The following MAN2A1 variants were observed in gnomAD, a reference collection of about 807,000 sequenced individuals.
MAN2A1 encodes mannosidase alpha class 2A member 1.
In MAN2A1, 76 loss-of-function variants were observed where a neutral mutation model predicts 142.6. The ratio of observed to expected loss-of-function variants is 0.53; its 90% CI spans 0.44 to 0.65. The LOEUF is 0.65. Among genes scored for constraint, MAN2A1 ranks in the 30% least tolerant of loss-of-function variants. The pLI, the probability that MAN2A1 is intolerant of heterozygous loss-of-function variation, is 0.00. For synonymous variants in MAN2A1, 559 were observed against 473.2 expected (o/e 1.18, Z -2.35); for missense variants, 1,311 against 1,365.1 (o/e 0.96, Z 0.62).
chr5:109,845,525 A>C (rs1755323714), intron 17 of MAN2A1, among the ~76,000 whole-genome samples: 1 of 152,196 alleles, frequency 6.6e-6, no homozygotes, highest in African/African-American at 2.4e-5. Context: ...TGTTAGATTT[A>C]GATGAGAAAT....
Position 109,849,182 on chromosome 5 carries a change from C to T in MAN2A1, c.2976+1392C>T, listed in dbSNP as rs1755415806. On this transcript the variant is annotated intron_variant, in intron 19 of 21. Coordinates refer to ENST00000261483, the MANE Select transcript of MAN2A1 (RefSeq NM_002372.4). ...AATCTTAGAGCTCTCAAAGCATGTC[C>T]CCTGGCCTTCTCCTTTTCTTATTTT... Among the ~76,000 whole-genome samples, 3 of 152,232 alleles carry T rather than the reference C, an allele frequency of 2.0e-5. No homozygotes were observed. The South Asian group carries it at 6.2e-4, about 32-fold the overall frequency.
chr5:109,847,807 A>G lies in MAN2A1; in HGVS notation c.2976+17A>G. 1 of 1,499,850 alleles carries G rather than the reference A, an allele frequency of 6.7e-7. No individual in the cohort carries two copies. The highest frequency in any genetic ancestry group is 1.4e-5 in the South Asian group (1 of 71,740). The allele number at this position is 1,499,850 out of a possible 1,614,324, so 92.9% of individuals were successfully genotyped here. On this transcript the variant is annotated intron_variant, in intron 19 of 21. Transcript: ENST00000261483. ...GTTAATACGGTATGAAAAAATAACTAGCATGATCTGATATTGATTGTTCTT... is the reference window on the plus strand; with the variant it reads ...GTTAATACGGTATGAAAAAATAACTGGCATGATCTGATATTGATTGTTCTT...
intron 2 of MAN2A1, 99 bp from the exon 3 acceptor site, chr5:109,716,021 A>G (rs1473402592): frequency 2.9e-6 from 2 of 683,706 alleles, no homozygotes; most frequent in South Asian, 5.2e-5. Context: ...TTTATAAAAT[A>G]CATATGCAGA....
intron 12 of MAN2A1, among the ~76,000 whole-genome samples, chr5:109,802,908 C>T (rs1198701724): frequency 2.6e-5 from 4 of 151,940 alleles, no homozygotes; most frequent in Non-Finnish European, 4.4e-5. Context: ...TTTCTTGCAT[C>T]AGGCAGTTTA....
Position 109,732,215 on chromosome 5 carries a change from T to G in MAN2A1, c.707+2702T>G, listed in dbSNP as rs1322659714. Among the ~76,000 whole-genome samples the G allele has an allele frequency of 2.9e-4, 43 of 150,634 alleles. No individual in the cohort carries two copies. The East Asian group carries it at 8.2e-3, about 29-fold the overall frequency. On this transcript the variant is annotated intron_variant, in intron 4 of 21. Coordinates refer to ENST00000261483, the MANE Select transcript of MAN2A1 (RefSeq NM_002372.4). ...CCCACTTTTTGATGGGGTTGTTTGT[T>G]TTTTTCTTGTAAATTTGTTTGAGTT...
At chr5:109,766,481 C>T (rs1752993586) in intron 5 of MAN2A1, among the ~76,000 whole-genome samples, 1 of 152,058 alleles carries the variant, frequency 6.6e-6, no homozygotes, top group African/African-American at 2.4e-5. Context: ...CCTGACTTTT[C>T]CTTATTGTCC....
At chr5:109,742,918 C>T (rs541940866) in intron 4 of MAN2A1, among the ~76,000 whole-genome samples, 7 of 152,290 alleles carry the variant, frequency 4.6e-5, no homozygotes, top group African/African-American at 1.4e-4. Context: ...TTGAGTGAGA[C>T]GGCTATCCTT....
chr5:109,801,698 T>C (rs1754036514), intron 12 of MAN2A1, among the ~76,000 whole-genome samples: 1 of 152,174 alleles, frequency 6.6e-6, no homozygotes, highest in African/African-American at 2.4e-5. Context: ...GGAGCAGGTC[T>C]ATACTGAATA....
intron 13 of MAN2A1, 68 bp downstream of exon 13, chr5:109,817,506 T>A: frequency 1.4e-6 from 2 of 1,457,564 alleles, no homozygotes; most frequent in Non-Finnish European, 1.9e-6. Flanking sequence ...AATTTGTGTA[T>A]GTACAGTAGC....
At position 109,774,151 on chromosome 5, in the gene MAN2A1, G is replaced by A. The variant is rs543951021; in HGVS notation, c.1197-637G>A. 1.1e-4 allele frequency among the ~76,000 whole-genome samples: 16 copies of A among 152,286 alleles called. No individual in the cohort carries two copies. The South Asian group carries it at 3.3e-3, about 32-fold the overall frequency. ...CTAATTCAACTCCTAATCCTTATCT[G>A]ATGGTCAGTATTGAAAAGGACACTG... On this transcript the variant is annotated intron_variant, in intron 7 of 21. Transcript: ENST00000261483.
chr5:109,800,957 T>A (rs1281525525), intron 12 of MAN2A1, among the ~76,000 whole-genome samples: 1 of 152,240 alleles, frequency 6.6e-6, no homozygotes, highest in Non-Finnish European at 1.5e-5. Context: ...TGATTTAGAA[T>A]CATCTCGCAT....
At chr5:109,855,460 A>G in intron 20 of MAN2A1, 126 bp downstream of exon 20, 1 of 553,608 alleles carries the variant, frequency 1.8e-6, no homozygotes, top group Non-Finnish European at 2.9e-6. Context: ...ACAGGGCTTC[A>G]CCTTTAGCCA....
Position 109,858,706 on chromosome 5 carries a change from C to G in MAN2A1, c.3171+3372C>G, listed in dbSNP as rs192453207. On this transcript the variant is annotated intron_variant, in intron 20 of 21. Transcript: ENST00000261483. ...CATGAGAAATGTGTCTGAAGGCCACCTTAGCATGATAAGGACGCATGTCTT... is the reference window on the plus strand; with the variant it reads ...CATGAGAAATGTGTCTGAAGGCCACGTTAGCATGATAAGGACGCATGTCTT... Among the ~76,000 whole-genome samples the G allele has an allele frequency of 3.3e-5, 5 of 152,356 alleles. No individual in the cohort carries two copies. In the East Asian group the frequency reaches 9.7e-4, roughly 29 times the overall value.
At chr5:109,851,387 G>A (rs1317602685) in intron 19 of MAN2A1, among the ~76,000 whole-genome samples, 1 of 152,210 alleles carries the variant, frequency 6.6e-6, no homozygotes, top group Non-Finnish European at 1.5e-5. Flanking sequence ...TTGTGGTAAT[G>A]TTGGGAGTGG....
intron 12 of MAN2A1, among the ~76,000 whole-genome samples, chr5:109,791,442 A>G (rs1753734932): frequency 6.6e-6 from 1 of 152,096 alleles, no homozygotes; most frequent in South Asian, 2.1e-4. Context: ...TTTAGCAGGT[A>G]CTGAAAGTAA....
At chr5:109,834,361 C>T (rs1755006378) in intron 16 of MAN2A1, among the ~76,000 whole-genome samples, 1 of 152,052 alleles carries the variant, frequency 6.6e-6, no homozygotes, top group African/African-American at 2.4e-5. Context: ...GAGGTTAAAA[C>T]TGATGTCGGT....
At chr5:109,767,432 T>C (rs1283761480) in intron 5 of MAN2A1, 103 bp from the exon 6 acceptor site, 1 of 877,630 alleles carries the variant, frequency 1.1e-6, no homozygotes, top group African/African-American at 1.7e-5. Context: ...TGGTCTGATA[T>C]CTCTAGGAGA....
intron 7 of MAN2A1, among the ~76,000 whole-genome samples, chr5:109,772,674 T>C (rs1337779435): frequency 2.0e-5 from 3 of 152,118 alleles, no homozygotes; most frequent in Admixed American, 6.6e-5. Context: ...GCTCGACTAA[T>C]TGTTTTAAAA....
chr5:109,693,688 C>G (rs1234577617), intron 1 of MAN2A1, among the ~76,000 whole-genome samples: 1 of 151,974 alleles, frequency 6.6e-6, no homozygotes. Flanking sequence ...CGAGGGTGCT[C>G]CAGTTTCTCT....
Sources: gnomAD v4.1 joint callset for allele counts (sites outside exome capture counted in the v4.1 genomes callset) on GRCh38, gnomAD v4.1.1 for gene constraint, MANE v1.5 for transcripts, NCBI Gene and HGNC (gene_info 2026-07-23, HGNC 2026-07-21) for gene names.